EXOC4: variants seen among roughly 807,000 people sequenced by gnomAD.
EXOC4 encodes exocyst complex component 4, also known as SEC8-like 1.
In EXOC4, 71 loss-of-function variants were observed where a neutral mutation model predicts 107.2. The ratio of observed to expected loss-of-function variants is 0.66; its 90% CI spans 0.55 to 0.81. The LOEUF is 0.81. Among genes scored for constraint, EXOC4 ranks in the 30% least tolerant of loss-of-function variants. The pLI, the probability that EXOC4 is intolerant of heterozygous loss-of-function variation, is 0.00. For synonymous variants in EXOC4, 456 were observed against 441.2 expected, an observed-to-expected ratio of 1.03 and a Z score of -0.42; for missense variants, 1,108 against 1,189.6, an observed-to-expected ratio of 0.93 and a Z score of 1.01.
intron 7 of EXOC4, among the ~76,000 whole-genome samples, chr7:133,441,017 T>C (rs531472630): frequency 1.3e-5 from 2 of 152,170 alleles, no homozygotes; most frequent in African/African-American, 4.8e-5. Flanking sequence ...TCAGGACCCC[T>C]TTCTGGTAAC....
At chr7:133,915,740 G>T (rs796305767) in intron 12 of EXOC4, among the ~76,000 whole-genome samples, 1 of 152,104 alleles carries the variant, frequency 6.6e-6, no homozygotes, top group Non-Finnish European at 1.5e-5. Context: ...CAGAAAAGAT[G>T]CAAGGAAATA....
intron 7 of EXOC4, among the ~76,000 whole-genome samples, chr7:133,429,092 C>T (rs1026166019): frequency 2.0e-4 from 31 of 151,866 alleles, no homozygotes; most frequent in African/African-American, 5.1e-4. Flanking sequence ...ATTGACAGCA[C>T]GGGTTGGAAG....
chr7:133,649,483 T>C (rs1803082453), intron 10 of EXOC4, among the ~76,000 whole-genome samples: 1 of 123,078 alleles, frequency 8.1e-6, no homozygotes, highest in South Asian at 2.4e-4. Flanking sequence ...TTTTTTTTTT[T>C]TTAACCAGTA....
chr7:133,300,148 G>A (rs1156800827), intron 3 of EXOC4, among the ~76,000 whole-genome samples: 1 of 152,090 alleles, frequency 6.6e-6, no homozygotes, highest in East Asian at 1.9e-4. Flanking sequence ...TTATCAGGGT[G>A]ATTTAAGAAT....
At chr7:133,902,589 C>G (rs537276586) in intron 12 of EXOC4, among the ~76,000 whole-genome samples, 2 of 152,078 alleles carry the variant, frequency 1.3e-5, no homozygotes, top group Non-Finnish European at 2.9e-5. Flanking sequence ...CGCAGTGGCT[C>G]ACACCTGTAG....
chr7:133,614,330 T>C (rs1358059808), intron 9 of EXOC4, among the ~76,000 whole-genome samples: 1 of 152,014 alleles, frequency 6.6e-6, no homozygotes, highest in African/African-American at 2.4e-5. Context: ...CTTTTGTTTG[T>C]ACAGTAAGAA....
chr7:133,907,459 C>CTAGG (rs1475601624), intron 12 of EXOC4, among the ~76,000 whole-genome samples: 2 of 152,142 alleles, frequency 1.3e-5, no homozygotes, highest in African/African-American at 4.8e-5. Context: ...GTTTTCCATA[C>CTAGG]TAGGTCCACT....
Position 133,941,808 on chromosome 7 carries a change from G to A in EXOC4, c.2206+3739G>A, listed in dbSNP as rs1043323505. ...TTCCCAAAATATCGTCAGGTCCCAG[G>A]CATGCTTACAGATTCTCTCTCTCTC... On this transcript the variant is annotated intron_variant, in intron 14 of 17. Coordinates refer to ENST00000253861, the MANE Select transcript of EXOC4 (RefSeq NM_021807.4). 8.3e-5 allele frequency among the ~76,000 whole-genome samples: 7 copies of A among 84,410 alleles called. No homozygotes were observed. In the Admixed American group the frequency reaches 8.6e-4, roughly 10 times the overall value. The allele number at this position is 84,410 out of a possible 152,430, so 55.4% of individuals were successfully genotyped here.
intron 10 of EXOC4, among the ~76,000 whole-genome samples, chr7:133,665,383 C>T (rs967592884): frequency 6.6e-6 from 1 of 152,040 alleles, no homozygotes. Flanking sequence ...GTTAATGGTG[C>T]TTATGTGGAT....
At chr7:133,333,631 A>G (rs1017399090) in intron 5 of EXOC4, among the ~76,000 whole-genome samples, 3 of 152,066 alleles carry the variant, frequency 2.0e-5, no homozygotes, top group Non-Finnish European at 2.9e-5. Context: ...ATACATCTAT[A>G]TGTATCTATT....
intron 17 of EXOC4, among the ~76,000 whole-genome samples, chr7:134,029,596 T>C (rs1795224069): frequency 6.6e-6 from 1 of 152,212 alleles, no homozygotes; most frequent in Admixed American, 6.5e-5. Context: ...CACGGCTCAC[T>C]GCAGCCTCCA....
At chr7:134,095,520 C>G in the EXOC4 span, among the ~76,000 whole-genome samples, 34 of 152,166 alleles carry the variant, frequency 2.2e-4, no homozygotes, top group Middle Eastern at 3.4e-3. Flanking sequence ...CAAAACAATC[C>G]TAAGCAAAAA....
chr7:133,994,594 A>T (rs1794339585), intron 14 of EXOC4, among the ~76,000 whole-genome samples: 1 of 152,228 alleles, frequency 6.6e-6, no homozygotes, highest in East Asian at 1.9e-4. Context: ...ATCTGATGTC[A>T]TCCATCCCTA....
intron 12 of EXOC4, among the ~76,000 whole-genome samples, chr7:133,895,983 A>G (rs940741915): frequency 1.3e-5 from 2 of 152,236 alleles, no homozygotes; most frequent in African/African-American, 4.8e-5. Context: ...GTCAGCCTTG[A>G]TGTTCATGAA....
chr7:133,538,859 G>GAA (rs1242226953), intron 9 of EXOC4, among the ~76,000 whole-genome samples: 10 of 96,186 alleles, frequency 1.0e-4, no homozygotes, highest in South Asian at 4.7e-4. Context: ...AAGAAAGAAA[G>GAA]AGAGAGAGAG....
intron 10 of EXOC4, among the ~76,000 whole-genome samples, chr7:133,808,445 CT>C (rs1797132597): frequency 6.6e-6 from 1 of 152,166 alleles, no homozygotes; most frequent in South Asian, 2.1e-4. Context: ...TCAGATAATA[CT>C]AGTGAGTTGA....
intron 10 of EXOC4, among the ~76,000 whole-genome samples, chr7:133,658,317 A>T (rs1803351027): frequency 6.6e-6 from 1 of 152,088 alleles, no homozygotes; most frequent in African/African-American, 2.4e-5. Context: ...CAACCAGGTG[A>T]TTATAGGCCA....
chr7:133,621,131 A>G (rs543183556), intron 9 of EXOC4, among the ~76,000 whole-genome samples: 1 of 152,310 alleles, frequency 6.6e-6, no homozygotes, highest in African/African-American at 2.4e-5. Flanking sequence ...AGGTGAACAC[A>G]TTTTACTGAT....
At chr7:133,934,033 G>A (rs1800241406) in intron 13 of EXOC4, among the ~76,000 whole-genome samples, 1 of 152,062 alleles carries the variant, frequency 6.6e-6, no homozygotes, top group Admixed American at 6.6e-5. Context: ...AGTACCTATA[G>A]TTGTATAAGT....
Sources: gnomAD v4.1 joint callset for allele counts (sites outside exome capture counted in the v4.1 genomes callset) on GRCh38, gnomAD v4.1.1 for gene constraint, MANE v1.5 for transcripts, NCBI Gene and HGNC (gene_info 2026-07-23, HGNC 2026-07-21) for gene names.